LHFPL5: variants seen among roughly 807,000 people sequenced by gnomAD.
LHFPL5 encodes the protein LHFPL tetraspan subfamily member 5, also known as LHFPL tetraspan subfamily member 5 protein.
In LHFPL5, 12 loss-of-function variants were observed where a neutral mutation model predicts 18.7. The observed-to-expected ratio is 0.64, with a 90% CI of 0.41 to 1.04. LHFPL5 has a LOEUF of 1.04. Among genes scored for constraint, LHFPL5 ranks in the 50% least tolerant of loss-of-function variants. The pLI is 0.00. For missense variants in LHFPL5, 259 were observed against 292.1 expected (o/e 0.89, Z 0.83); for synonymous variants, 111 against 120.2 (o/e 0.92, Z 0.50).
intron 2 of LHFPL5, among the ~76,000 whole-genome samples, chr6:35,816,349 A>C (rs1768760123): frequency 6.7e-6 from 1 of 150,314 alleles, no homozygotes; most frequent in Admixed American, 6.7e-5. Context: ...CCGTCTCAAA[A>C]AAAAAAAAAA....
In LHFPL5 at chr6:35,810,555, A is replaced by T. The variant is rs567601922; in HGVS notation, c.413-3991A>T. On this transcript the variant is annotated intron_variant, in intron 1 of 3. Transcript: ENST00000360215. ...CACAGTGACACCCCGTGTTACAAAA[A>T]AATACAAAAAAATTAGACAGGTGAC... 4.6e-5 allele frequency among the ~76,000 whole-genome samples: 7 copies of T among 152,298 alleles called. No individual in the cohort carries two copies. In the South Asian group the frequency reaches 1.4e-3, roughly 32 times the overall value.
chr6:35,806,124 G>A, intron 1 of LHFPL5, 42 bp downstream of exon 1: 4 of 1,602,458 alleles, frequency 2.5e-6, no homozygotes, highest in Non-Finnish European at 3.4e-6. Flanking sequence ...GCCCACCCCG[G>A]GGCCACAGCT....
chr6:35,814,627 CGG>C lies in LHFPL5; in HGVS notation c.496_497del (p.Gly166GlnfsTer43), dbSNP rs1321328897. The C allele has an allele frequency of 2.0e-5, 33 of 1,614,022 alleles. No homozygotes were observed. Among genetic ancestry groups the C allele is most frequent in the Non-Finnish European group, 2.6e-5 (31 of 1,180,038 alleles). ...GTGCGGCGCATGTGTGGGGAGCAGA[CGG>C]GCAAGTACACGCTGGGCCACTGCAC... On this transcript the variant is annotated frameshift_variant, in exon 2 of 4. Coordinates refer to ENST00000360215, the MANE Select transcript of LHFPL5 (RefSeq NM_182548.4). LOFTEE classifies it high-confidence loss of function. The surrounding 1 kb of genome is among the most constrained non-coding windows in gnomAD (Gnocchi z 4.2).
At position 35,814,698 on chromosome 6, in the gene LHFPL5, G is replaced by A. The variant is rs376479168; in HGVS notation, c.565G>A (p.Ala189Thr). Reference protein sequence around the residue: ...FMLAILSIGDALILSFLAFVL... With the variant: ...FMLAILSIGDTLILSFLAFVL... ...GCTGGCCATCCTCAGCATTGGCGAC[G>A]CCCTCATCCTCTCCTTCCTGGCCTT... is the stretch of plus-strand genomic sequence containing the variant. Residue 189 changes from alanine (A) to threonine (T), a missense_variant, in exon 2 of 4, where the codon GCC becomes ACC. Transcript: ENST00000360215. The surrounding 1 kb of genome is among the most constrained non-coding windows in gnomAD (Gnocchi z 4.2). 23 of 1,614,004 alleles carry A rather than the reference G, an allele frequency of 1.4e-5. No individual in the cohort carries two copies. The highest frequency in any genetic ancestry group is 2.7e-5 in the African/African-American group (2 of 74,902).
Position 35,805,837 on chromosome 6 carries a change from C to T in LHFPL5, c.167C>T (p.Thr56Ile). ...QPYWIGDSVN[T>I]PQAGYFGLFS... ...TACTGGATCGGCGACAGCGTCAACACACCGCAGGCAGGCTACTTCGGCCTT... is the reference window on the plus strand; with the variant it reads ...TACTGGATCGGCGACAGCGTCAACATACCGCAGGCAGGCTACTTCGGCCTT... Residue 56 changes from threonine to isoleucine, a missense_variant, in exon 1 of 4, where the codon ACA (threonine) becomes ATA (isoleucine). Transcript: ENST00000360215. The surrounding 1 kb of genome is among the most constrained non-coding windows in gnomAD (Gnocchi z 4.3). 1 of 1,614,256 alleles carries T rather than the reference C, an allele frequency of 6.2e-7. No homozygotes were observed. The highest frequency in any genetic ancestry group is 8.5e-7 in the Non-Finnish European group (1 of 1,180,032).
In LHFPL5 at chr6:35,823,420, C is replaced by CAT; in HGVS notation, c.*456_*457insTA. On this transcript the variant is annotated 3_prime_UTR_variant, in exon 4 of 4. Coordinates refer to ENST00000360215, the MANE Select transcript of LHFPL5 (RefSeq NM_182548.4). ...ACACACACACACACACACACACACA[C>CAT]ACACATACATACACACACACATATA... 1 of 138,134 alleles carries CAT rather than the reference C, an allele frequency of 7.2e-6. No individual in the cohort carries two copies. Among genetic ancestry groups the CAT allele is most frequent in the African/African-American group, 3.2e-5 (1 of 31,246 alleles). 8.6% of individuals were successfully genotyped at this position (138,134 alleles called of 1,614,324 possible). A position where few individuals can be genotyped will look rare whatever the true frequency, so the allele number is the denominator to read the frequency against.
Position 35,813,827 on chromosome 6 carries a change from G to T in LHFPL5, c.413-719G>T, listed in dbSNP as rs563903999. ...TTTTTTTTTTTTGAGACGGAGTTTC[G>T]CTCTTGTTGCTCAGGCTGGAGTGCA... On this transcript the variant is annotated intron_variant, in intron 1 of 3. Transcript: ENST00000360215. Among the ~76,000 whole-genome samples, 4 of 117,178 alleles carry T rather than the reference G, an allele frequency of 3.4e-5. No individual in the cohort carries two copies. In the Admixed American group the frequency reaches 3.5e-4, roughly 10 times the overall value. The allele number at this position is 117,178 out of a possible 152,430, so 76.9% of individuals were successfully genotyped here. A position where few individuals can be genotyped will look rare whatever the true frequency, so the allele number is the denominator to read the frequency against.
At position 35,814,815 on chromosome 6, in the gene LHFPL5, C is replaced by A; in HGVS notation, c.649+33C>A. 6.4e-7 allele frequency: 1 copy of A among 1,568,664 alleles called. No homozygotes were observed. The highest frequency in any genetic ancestry group is 8.8e-7 in the Non-Finnish European group (1 of 1,138,718). On this transcript the variant is annotated intron_variant, in intron 2 of 3. Coordinates refer to ENST00000360215, the MANE Select transcript of LHFPL5 (RefSeq NM_182548.4). The surrounding 1 kb of genome is among the most constrained non-coding windows in gnomAD (Gnocchi z 4.2). ...CCCAACTCCACAATGGTGTCCCCTG[C>A]CTGGAGACCCTGGGATGTGGGTGGG...
At chr6:35,818,337 ATATATATATATGTATT>A (rs1561955557) in intron 2 of LHFPL5, among the ~76,000 whole-genome samples, 39 of 12,224 alleles carry the variant, frequency 3.2e-3, no homozygotes, top group Non-Finnish European at 6.5e-3. Flanking sequence ...ATATATATAT[ATATATATATATGTATT>A]TTTTTTTTTT....
rs763639486 is a variant in LHFPL5, at chr6:35,821,857, ATTTTTTTTTTTTTTTT to A, written c.*17-1106_*17-1091del. ...AACTCCACAGCACTGGTGTACCACA[ATTTTTTTTTTTTTTTT>A]TTTTTTTTTTTTTTTTTTGAGACAG... On this transcript the variant is annotated intron_variant, in intron 3 of 3. Transcript: ENST00000360215. 1.4e-3 allele frequency among the ~76,000 whole-genome samples: 54 copies of A among 39,174 alleles called. 1 individual carries two copies. The highest frequency in any genetic ancestry group is 7.2e-3 in the South Asian group (5 of 694). 25.7% of individuals were successfully genotyped at this position (39,174 alleles called of 152,430 possible).
At chr6:35,818,180 C>T (rs547836524) in intron 2 of LHFPL5, among the ~76,000 whole-genome samples, 32 of 151,910 alleles carry the variant, frequency 2.1e-4, no homozygotes, top group African/African-American at 7.2e-4. Flanking sequence ...TCCATAGAAA[C>T]AGAAAGCAGA....
intron 1 of LHFPL5, among the ~76,000 whole-genome samples, chr6:35,811,733 C>T (rs1419926182): frequency 6.6e-6 from 1 of 152,220 alleles, no homozygotes; most frequent in African/African-American, 2.4e-5. Context: ...AGGGGCCCTG[C>T]CAGGCACTGG....
In LHFPL5 at chr6:35,824,039, T is replaced by C. The variant is rs1262434136; in HGVS notation, c.*1074T>C. On this transcript the variant is annotated 3_prime_UTR_variant, in exon 4 of 4. Coordinates refer to ENST00000360215, the MANE Select transcript of LHFPL5 (RefSeq NM_182548.4). ...CTTTAAATCATCTCTAGATTACTTA[T>C]AATACCTAATACAATGTAAATGCTA... The C allele has an allele frequency of 6.6e-6, 1 of 152,228 alleles. No individual in the cohort carries two copies. Among genetic ancestry groups the C allele is most frequent in the East Asian group, 1.9e-4 (1 of 5,200 alleles). 9.4% of individuals were successfully genotyped at this position (152,228 alleles called of 1,614,324 possible).
At position 35,805,749 on chromosome 6, in the gene LHFPL5, G is replaced by T; in HGVS notation, c.79G>T (p.Val27Leu). The change falls in exon 1 of 4, where the codon GTG (valine) becomes TTG (leucine). Residue 27 changes from valine (V) to leucine (L), a missense_variant. By Grantham distance (32) the Val-to-Leu change is conservative (BLOSUM62 1). Coordinates refer to ENST00000360215, the MANE Select transcript of LHFPL5 (RefSeq NM_182548.4). The surrounding 1 kb of genome is among the most constrained non-coding windows in gnomAD (Gnocchi z 4.3). The stretch of plus-strand genomic sequence containing the variant: ...TGTGCGGAACTCGCGAGCCGTGGGC[G>T]TGATGTGGGGTACCCTCACCATCTG... ...NYVRNSRAVG[V>L]MWGTLTICFS... is the part of the protein sequence containing the mutation. The T allele has an allele frequency of 1.2e-6, 2 of 1,614,214 alleles. No individual in the cohort carries two copies. Among genetic ancestry groups the T allele is most frequent in the Non-Finnish European group, 1.7e-6 (2 of 1,180,030 alleles).
chr6:35,810,152 C>T (rs955184833), intron 1 of LHFPL5, among the ~76,000 whole-genome samples: 2 of 152,172 alleles, frequency 1.3e-5, no homozygotes, highest in African/African-American at 4.8e-5. Context: ...CCCCCGCTCC[C>T]CTCTGGGGTC....
intron 1 of LHFPL5, among the ~76,000 whole-genome samples, chr6:35,808,753 C>T (rs1426778702): frequency 1.3e-5 from 2 of 151,592 alleles, no homozygotes; most frequent in African/African-American, 2.4e-5. Flanking sequence ...TGTCTGCAAA[C>T]CCCCCTTCCC....
intron 1 of LHFPL5, among the ~76,000 whole-genome samples, chr6:35,810,028 G>A (rs1276529492): frequency 6.6e-6 from 1 of 152,202 alleles, no homozygotes; most frequent in Non-Finnish European, 1.5e-5. Flanking sequence ...CCAGCTATTT[G>A]AAAATATACG....
At chr6:35,816,104 G>A (rs9470107) in intron 2 of LHFPL5, among the ~76,000 whole-genome samples, 3,202 of 151,292 alleles carry the variant, frequency 0.021, 122 homozygotes, top group African/African-American at 0.074. Flanking sequence ...CCGGGAAGCG[G>A]AGCTTGCAGT....
intron 3 of LHFPL5, chr6:35,819,843 A>G (rs931984520): frequency 7.1e-6 from 2 of 281,618 alleles, no homozygotes; most frequent in African/African-American, 4.4e-5. Context: ...ATGCCTGGCT[A>G]ATTTTTTGTA....
Sources: allele counts gnomAD v4.1 joint callset (sites outside exome capture counted in the v4.1 genomes callset), GRCh38; gene constraint gnomAD v4.1.1; non-coding constraint Gnocchi (gnomAD v3.1); transcripts MANE v1.5; gene names NCBI Gene and HGNC (gene_info 2026-07-23, HGNC 2026-07-21).